The following LYN variants were observed in gnomAD, a reference collection of about 807,000 sequenced individuals.
LYN encodes the protein LYN proto-oncogene, Src family tyrosine kinase, also known as tyrosine-protein kinase Lyn.
In LYN, 12 loss-of-function variants were observed where a neutral mutation model predicts 65.0. That is an observed-to-expected ratio of 0.18 (90% CI 0.12 to 0.30). The LOEUF is 0.30. LYN is among the 10% of genes least tolerant of loss of function. The pLI, the probability that LYN is intolerant of heterozygous loss-of-function variation, is 1.00. For missense variants in LYN, 380 were observed against 623.2 expected (o/e 0.61, Z 4.16); for synonymous variants, 222 against 221.2 (o/e 1.00, Z -0.03).
chr8:55,998,930 A>G (rs1312705926), intron 11 of LYN, among the ~76,000 whole-genome samples: 2 of 152,252 alleles, frequency 1.3e-5, no homozygotes. Flanking sequence ...ACACAGAACT[A>G]AATATAATGC....
intron 1 of LYN, among the ~76,000 whole-genome samples, chr8:55,887,603 C>T (rs868327668): frequency 1.9e-4 from 21 of 111,996 alleles, no homozygotes; most frequent in South Asian, 5.7e-4. Flanking sequence ...CACACACACA[C>T]ATATATATAT....
intron 12 of LYN, among the ~76,000 whole-genome samples, chr8:56,000,005 A>G (rs1307114616): frequency 1.3e-5 from 2 of 152,184 alleles, no homozygotes; most frequent in African/African-American, 2.4e-5. Flanking sequence ...TATTTTCACT[A>G]TCTTTAGCAT....
rs563071394 is a variant in LYN, at chr8:55,880,110, C to T, written c.-6+7C>T. The T allele has an allele frequency of 5.7e-4, 158 of 278,436 alleles. No individual in the cohort carries two copies. The highest frequency in any genetic ancestry group is 3.5e-3 in the African/African-American group (152 of 43,364). The allele number at this position is 278,436 out of a possible 1,614,324, so 17.2% of individuals were successfully genotyped here. On this transcript the variant is annotated splice_region_variant and intron_variant, in intron 1 of 12. Transcript: ENST00000519728. ...AAACTTTCACCGCGAGCGGGTGAGTCCTCTGCGCGAGCCCAGGGGTGGGCG... is the reference window on the plus strand; with the variant it reads ...AAACTTTCACCGCGAGCGGGTGAGTTCTCTGCGCGAGCCCAGGGGTGGGCG...
chr8:55,947,557 G>A (rs1806815361), intron 3 of LYN, 61 bp from the exon 4 acceptor site: 2 of 1,186,012 alleles, frequency 1.7e-6, no homozygotes, highest in Non-Finnish European at 2.5e-6. Flanking sequence ...TGCCCCATGA[G>A]GTTTGTTAAA....
At chr8:55,943,310 G>T (rs1024854353) in intron 2 of LYN, among the ~76,000 whole-genome samples, 4 of 152,120 alleles carry the variant, frequency 2.6e-5, no homozygotes, top group African/African-American at 9.7e-5. Context: ...CCATTATTAA[G>T]AATTTTCAGG....
chr8:55,945,737 C>G (rs545507568), intron 2 of LYN, among the ~76,000 whole-genome samples: 2 of 152,178 alleles, frequency 1.3e-5, no homozygotes, highest in Non-Finnish European at 2.9e-5. Flanking sequence ...CTCACCCCCC[C>G]ACTGAAATAA....
intron 1 of LYN, among the ~76,000 whole-genome samples, chr8:55,939,539 G>A (rs548678446): frequency 1.3e-5 from 2 of 152,046 alleles, no homozygotes; most frequent in Non-Finnish European, 2.9e-5. Flanking sequence ...CAGTGGGGGG[G>A]GGACAGGGGA....
At chr8:55,968,601 C>G (rs1049591232) in intron 9 of LYN, among the ~76,000 whole-genome samples, 2 of 152,208 alleles carry the variant, frequency 1.3e-5, no homozygotes, top group African/African-American at 4.8e-5. Context: ...TGCCAGACTG[C>G]TCTTGGTGCT....
chr8:56,007,019 C>G (rs1808692347), intron 12 of LYN, among the ~76,000 whole-genome samples: 1 of 152,140 alleles, frequency 6.6e-6, no homozygotes, highest in South Asian at 2.1e-4. Context: ...CAGCCTTTAC[C>G]AGCATCATCG....
chr8:55,918,402 C>A (rs1306181737), intron 1 of LYN, among the ~76,000 whole-genome samples: 1 of 152,202 alleles, frequency 6.6e-6, no homozygotes, highest in African/African-American at 2.4e-5. Context: ...TCTGATTGAA[C>A]TGGTCTGGGC....
chr8:55,954,735 T>C (rs1807053680), intron 8 of LYN, among the ~76,000 whole-genome samples: 1 of 152,000 alleles, frequency 6.6e-6, no homozygotes, highest in African/African-American at 2.4e-5. Flanking sequence ...CTTGGGAGGC[T>C]GAGGTGGGAG....
At chr8:55,977,577 G>A (rs1384923513) in intron 10 of LYN, among the ~76,000 whole-genome samples, 4 of 151,998 alleles carry the variant, frequency 2.6e-5, no homozygotes, top group African/African-American at 4.8e-5. Context: ...AGACCAGGAA[G>A]GGTGGGATGG....
At chr8:55,899,943 A>G (rs1041223386) in intron 1 of LYN, among the ~76,000 whole-genome samples, 1 of 152,162 alleles carries the variant, frequency 6.6e-6, no homozygotes, top group Non-Finnish European at 1.5e-5. Context: ...GCCCAGCCTT[A>G]TCATCCCTTT....
chr8:55,987,576 C>G (rs561943652), intron 10 of LYN, among the ~76,000 whole-genome samples: 2 of 152,254 alleles, frequency 1.3e-5, no homozygotes, highest in East Asian at 1.9e-4. Flanking sequence ...GCCACCACAC[C>G]TAGCTAAGTT....
chr8:55,906,710 C>CA (rs1461206975), intron 1 of LYN, among the ~76,000 whole-genome samples: 66 of 130,278 alleles, frequency 5.1e-4, no homozygotes, highest in African/African-American at 1.7e-3. Flanking sequence ...CAGTCTCTAC[C>CA]AAAAAAAAGA....
At chr8:55,918,739 A>T (rs1805851128) in intron 1 of LYN, among the ~76,000 whole-genome samples, 1 of 152,136 alleles carries the variant, frequency 6.6e-6, no homozygotes. Context: ...TGAGGGATTC[A>T]GGCTCAGTGT....
intron 1 of LYN, among the ~76,000 whole-genome samples, chr8:55,928,087 GT>G (rs1563514430): frequency 1.3e-5 from 2 of 152,136 alleles, no homozygotes; most frequent in African/African-American, 4.8e-5. Context: ...TGTAGTCAGT[GT>G]TTTAGATTTT....
intron 10 of LYN, among the ~76,000 whole-genome samples, chr8:55,970,672 C>T (rs547499505): frequency 9.9e-5 from 15 of 152,090 alleles, no homozygotes; most frequent in African/African-American, 3.4e-4. Flanking sequence ...CTTGGGAATA[C>T]GAGATCCAAG....
intron 1 of LYN, among the ~76,000 whole-genome samples, chr8:55,901,304 C>T (rs1415707695): frequency 6.6e-6 from 1 of 152,234 alleles, no homozygotes; most frequent in Non-Finnish European, 1.5e-5. Flanking sequence ...CACCTCCTTT[C>T]ATTACTGAGG....
Sources: gnomAD v4.1 joint callset for allele counts (sites outside exome capture counted in the v4.1 genomes callset) on GRCh38, gnomAD v4.1.1 for gene constraint, MANE v1.5 for transcripts, NCBI Gene and HGNC (gene_info 2026-07-23, HGNC 2026-07-21) for gene names.